The following RHEX variants were observed in gnomAD, a reference collection of about 807,000 sequenced individuals.
The protein encoded by RHEX is regulator of hemoglobinization and erythroid cell expansion protein.
A neutral mutation model predicts 20.1 loss-of-function variants in RHEX; 18 were observed. That is an observed-to-expected ratio of 0.90 (90% CI 0.62 to 1.33). The LOEUF is 1.33. Among genes scored for constraint, RHEX ranks in the 40% most tolerant of loss-of-function variants. The pLI is 0.00. For missense variants in RHEX, 192 were observed against 214.3 expected (o/e 0.90, Z 0.65); for synonymous variants, 87 against 77.1 (o/e 1.13, Z -0.67).
chr1:206,078,988 T>C (rs1662685455), intron 1 of RHEX, among the ~76,000 whole-genome samples: 2 of 152,196 alleles, frequency 1.3e-5, no homozygotes. Flanking sequence ...ATAACAATAA[T>C]AAATGATCTG....
At chr1:206,079,475 T>C (rs1558174870) in intron 1 of RHEX, among the ~76,000 whole-genome samples, 1 of 152,160 alleles carries the variant, frequency 6.6e-6, no homozygotes, top group African/African-American at 2.4e-5. Flanking sequence ...CACAGTGTAG[T>C]TGCCAATAGT....
Position 206,083,471 on chromosome 1 carries a change from G to A in RHEX, c.-96-14262G>A, listed in dbSNP as rs117763279. The A allele has an allele frequency of 6.2e-3, 6,071 of 984,904 alleles. 73 individuals carry two copies. In the Admixed American group the frequency reaches 0.073, roughly 12 times the overall value. The allele number at this position is 984,904 out of a possible 1,614,324, so 61.0% of individuals were successfully genotyped here. A position where few individuals can be genotyped will look rare whatever the true frequency, so the allele number is the denominator to read the frequency against. On this transcript the variant is annotated intron_variant, in intron 1 of 5. Coordinates refer to ENST00000331555, the MANE Select transcript of RHEX (RefSeq NM_001007544.4). ...CTTCACCCTGCTGTACTCAACGAGC[G>A]AGATTGCTATCTTCTGAGTGGCAGT...
chr1:206,079,704 T>A (rs541305534), intron 1 of RHEX, among the ~76,000 whole-genome samples: 2 of 152,142 alleles, frequency 1.3e-5, no homozygotes, highest in Non-Finnish European at 2.9e-5. Context: ...TACAGGTGTG[T>A]GCTACCACGC....
rs532008399 is a variant in RHEX at position 206,100,985 on chromosome 1, CTG to C, written c.257-149_257-148del. The C allele has an allele frequency of 1.6e-3, 914 of 570,280 alleles. 1 individual carries two copies. The highest frequency in any genetic ancestry group is 2.5e-3 in the Non-Finnish European group (813 of 324,230). The allele number at this position is 570,280 out of a possible 1,614,324, so 35.3% of individuals were successfully genotyped here. A position where few individuals can be genotyped will look rare whatever the true frequency, so the allele number is the denominator to read the frequency against. ...TCTCCTTCTTCCTCTTTTGGGGTCT[CTG>C]TATCTCTCTTCCCTACCCCCCCTTT... On this transcript the variant is annotated intron_variant, in intron 4 of 5. Coordinates refer to ENST00000331555, the MANE Select transcript of RHEX (RefSeq NM_001007544.4).
In RHEX at chr1:206,055,893, G is replaced by A. The variant is rs534088921; in HGVS notation, c.-97+2628G>A. ...AACTAGATGAGGTTTCCAAACGCTG[G>A]CCCCCATGTCCAAAGTCCCTGGTAG... On this transcript the variant is annotated intron_variant, in intron 1 of 5. Coordinates refer to ENST00000331555, the MANE Select transcript of RHEX (RefSeq NM_001007544.4). Among the ~76,000 whole-genome samples, 392 of 152,328 alleles carry A rather than the reference G, an allele frequency of 2.6e-3. 2 individuals are homozygous for A. The highest frequency in any genetic ancestry group is 9.1e-3 in the African/African-American group (379 of 41,528).
chr1:206,066,654 G>A (rs73088166), intron 1 of RHEX, among the ~76,000 whole-genome samples: 5,698 of 152,258 alleles, frequency 0.037, 370 homozygotes, highest in African/African-American at 0.12. Context: ...CAGGGAAGTG[G>A]AGCCTCTGGC....
At chr1:206,058,028 A>T (rs1553282826) in intron 1 of RHEX, among the ~76,000 whole-genome samples, 1 of 152,268 alleles carries the variant, frequency 6.6e-6, no homozygotes, top group African/African-American at 2.4e-5. Flanking sequence ...GTTTGTGAAA[A>T]ATTTGACCTT....
At chr1:206,092,084 CT>C (rs1317595137) in intron 1 of RHEX, among the ~76,000 whole-genome samples, 2 of 145,952 alleles carry the variant, frequency 1.4e-5, no homozygotes, top group African/African-American at 5.2e-5. Flanking sequence ...TTCTTTCTTT[CT>C]TTTCTTTCTT....
intron 1 of RHEX, among the ~76,000 whole-genome samples, chr1:206,068,537 A>G (rs1662471828): frequency 6.6e-6 from 1 of 152,214 alleles, no homozygotes; most frequent in Non-Finnish European, 1.5e-5. Flanking sequence ...GAGGTGCACT[A>G]TGAATGAGCT....
intron 1 of RHEX, among the ~76,000 whole-genome samples, chr1:206,055,584 A>G (rs944360199): frequency 1.3e-5 from 2 of 152,288 alleles, no homozygotes; most frequent in African/African-American, 2.4e-5. Flanking sequence ...ACACCAGATC[A>G]ATTTAAAGTC....
intron 1 of RHEX, among the ~76,000 whole-genome samples, chr1:206,057,515 G>A (rs544482046): frequency 6.6e-6 from 1 of 152,392 alleles, no homozygotes; most frequent in South Asian, 2.1e-4. Flanking sequence ...AATCCATTCA[G>A]TAAATTTCCA....
chr1:206,080,457 T>G (rs1662713212), intron 1 of RHEX: 1 of 152,126 alleles, frequency 6.6e-6, no homozygotes, highest in Non-Finnish European at 1.5e-5. Flanking sequence ...GTAGGAGACT[T>G]TATGCACAGA....
In RHEX at chr1:206,066,913, T is replaced by A. The variant is rs557539548; in HGVS notation, c.-97+13648T>A. Reference sequence around the variant, plus strand: ...TGAAACATAAGGCACAAAGCCACTTTGTGCTTAATCTCAGTAAACCAGCCA... The same window carrying A: ...TGAAACATAAGGCACAAAGCCACTTAGTGCTTAATCTCAGTAAACCAGCCA... On this transcript the variant is annotated intron_variant, in intron 1 of 5. Coordinates refer to ENST00000331555, the MANE Select transcript of RHEX (RefSeq NM_001007544.4). Among the ~76,000 whole-genome samples, 3 of 152,342 alleles carry A rather than the reference T, an allele frequency of 2.0e-5. No homozygotes were observed. In the East Asian group the frequency reaches 5.8e-4, roughly 29 times the overall value.
chr1:206,071,157 A>T (rs1480428097), intron 1 of RHEX, among the ~76,000 whole-genome samples: 3 of 152,204 alleles, frequency 2.0e-5, no homozygotes, highest in African/African-American at 7.2e-5. Flanking sequence ...TGAAGGTCTG[A>T]GAGCCCCTGG....
At chr1:206,054,586 A>T (rs1368662152) in intron 1 of RHEX, among the ~76,000 whole-genome samples, 13 of 152,260 alleles carry the variant, frequency 8.5e-5, no homozygotes, top group Non-Finnish European at 1.9e-4. Context: ...TTTTTCTGTG[A>T]ACTGGACATT....
intron 1 of RHEX, among the ~76,000 whole-genome samples, chr1:206,094,871 T>C (rs1487730746): frequency 2.6e-5 from 4 of 152,184 alleles, no homozygotes; most frequent in Non-Finnish European, 4.4e-5. Context: ...GTAGGCAATC[T>C]AGTTTTGTAT....
chr1:206,065,387 A>G (rs1662403571), intron 1 of RHEX, among the ~76,000 whole-genome samples: 1 of 152,214 alleles, frequency 6.6e-6, no homozygotes, highest in Non-Finnish European at 1.5e-5. Flanking sequence ...CCCTCATAAC[A>G]AAAGGACTTG....
intron 1 of RHEX, among the ~76,000 whole-genome samples, chr1:206,090,098 T>G (rs1662916348): frequency 6.6e-6 from 1 of 152,124 alleles, no homozygotes; most frequent in Non-Finnish European, 1.5e-5. Context: ...TGAACTACTC[T>G]TATAACATTT....
chr1:206,093,104 C>CTTTTGTTCTCCCTTCT (rs1662992107), intron 1 of RHEX, among the ~76,000 whole-genome samples: 1 of 152,154 alleles, frequency 6.6e-6, no homozygotes, highest in Admixed American at 6.5e-5. Context: ...CTTTCCCCTT[C>CTTTTGTTCTCCCTTCT]TTTTGTTCTC....
Sources: allele counts gnomAD v4.1 joint callset (sites outside exome capture counted in the v4.1 genomes callset), GRCh38; gene constraint gnomAD v4.1.1; transcripts MANE v1.5; gene names NCBI Gene and HGNC (gene_info 2026-07-23, HGNC 2026-07-21).